H2AZ2: variants seen among roughly 807,000 people sequenced by gnomAD.
H2AZ2 encodes H2A.Z variant histone 2.
A neutral mutation model predicts 15.5 loss-of-function variants in H2AZ2; 5 were observed. The ratio of observed to expected loss-of-function variants is 0.32; its 90% CI spans 0.17 to 0.68. The LOEUF (loss-of-function observed/expected upper bound fraction) is 0.68. Ranked by LOEUF, H2AZ2 falls within the 30% of genes least tolerant of loss-of-function variation. The pLI, the probability that H2AZ2 is intolerant of heterozygous loss-of-function variation, is 0.72. For missense variants in H2AZ2, 42 were observed against 162.5 expected (o/e 0.26, Z 4.03); for synonymous variants, 44 against 57.4 (o/e 0.77, Z 1.05).
intron 2 of H2AZ2, among the ~76,000 whole-genome samples, chr7:44,842,441 A>C (rs80168996): frequency 0.025 from 3,752 of 152,282 alleles, 77 homozygotes; most frequent in Non-Finnish European, 0.039. Context: ...CTTCAAAATG[A>C]TTCCATTTAA....
At position 44,836,662 on chromosome 7, in the gene H2AZ2, C is replaced by T. The variant is rs1156328023; in HGVS notation, c.196-1004G>A. Among the ~76,000 whole-genome samples, 9 of 151,944 alleles carry T rather than the reference C, an allele frequency of 5.9e-5. 1 individual carries two copies. In the South Asian group the frequency reaches 1.7e-3, roughly 28 times the overall value. On this transcript the variant is annotated intron_variant, in intron 3 of 4. Coordinates refer to ENST00000308153, the MANE Select transcript of H2AZ2 (RefSeq NM_012412.5). The stretch of plus-strand genomic sequence containing the variant: ...CCTCCCGAGTAGCTGGGACTACAGG[C>T]GCCTGCCACCATGCCTGAGTAAGTT...
downstream of H2AZ2, among the ~76,000 whole-genome samples, chr7:44,831,976 A>G (rs896006287): frequency 6.6e-6 from 1 of 152,186 alleles, no homozygotes; most frequent in African/African-American, 2.4e-5. Context: ...GAACAACAGA[A>G]GCCCTCTAGA....
rs751317779 is a variant in H2AZ2 at position 44,846,613 on chromosome 7, AAAAAAACCAC to A, written c.3+1346_3+1355del. 1.9e-3 allele frequency among the ~76,000 whole-genome samples: 288 copies of A among 150,932 alleles called. 2 individuals are homozygous for A. Among genetic ancestry groups the A allele is most frequent in the African/African-American group, 6.7e-3 (276 of 41,300 alleles). ...AACAGAGTGAGACTCCGTCTCAAAA[AAAAAAACCAC>A]AAAAAACCACAAAAAACAAACAACA... On this transcript the variant is annotated intron_variant, in intron 1 of 4. Transcript: ENST00000308153.
At chr7:44,835,349 G>A (rs1436837550) in intron 4 of H2AZ2, 180 bp downstream of exon 4, 2 of 473,812 alleles carry the variant, frequency 4.2e-6, no homozygotes. Flanking sequence ...CATATGGCTA[G>A]AAGGTGAAAT....
intron 1 of H2AZ2, among the ~76,000 whole-genome samples, chr7:44,844,174 G>A (rs1232997563): frequency 2.0e-5 from 3 of 152,138 alleles, no homozygotes; most frequent in African/African-American, 4.8e-5. Flanking sequence ...GTTCACAGAA[G>A]CATTATTCAG....
In H2AZ2 at chr7:44,837,430, AAAG is replaced by A. The variant is rs1175128005; in HGVS notation, c.196-1775_196-1773del. On this transcript the variant is annotated intron_variant, in intron 3 of 4. Coordinates refer to ENST00000308153, the MANE Select transcript of H2AZ2 (RefSeq NM_012412.5). Reference sequence around the variant, plus strand: ...AGAGCAAGACTCTCAAAAAAAAAAAAAAGAAAAAAAAAAAAAAAAAAAAAGTTG... The same window carrying A: ...AGAGCAAGACTCTCAAAAAAAAAAAAAAAAAAAAAAAAAAAAAAAAAGTTG... Among the ~76,000 whole-genome samples, 280 of 119,028 alleles carry A rather than the reference AAAG, an allele frequency of 2.4e-3. 4 individuals are homozygous for A. The highest frequency in any genetic ancestry group is 4.1e-3 in the Non-Finnish European group (225 of 54,436). The allele number at this position is 119,028 out of a possible 152,430, so 78.1% of individuals were successfully genotyped here. A position where few individuals can be genotyped will look rare whatever the true frequency, so the allele number is the denominator to read the frequency against.
chr7:44,833,610 C>G lies in H2AZ2; in HGVS notation c.*891G>C. On this transcript the variant is annotated 3_prime_UTR_variant, in exon 5 of 5. Coordinates refer to ENST00000308153, the MANE Select transcript of H2AZ2 (RefSeq NM_012412.5). ...AAGTGTTCCACCAGCCTCGGTCTCC[C>G]GAAGTGTTGGGATTACAGGCGTAAA... The G allele has an allele frequency of 1.2e-6, 1 of 826,302 alleles. No homozygotes were observed. Among genetic ancestry groups the G allele is most frequent in the Non-Finnish European group, 1.5e-6 (1 of 684,616 alleles). 51.2% of individuals were successfully genotyped at this position (826,302 alleles called of 1,614,324 possible). A position where few individuals can be genotyped will look rare whatever the true frequency, so the allele number is the denominator to read the frequency against.
rs745980316 is a variant in H2AZ2 at position 44,843,371 on chromosome 7, A to AT, written c.4-18dup. The AT allele has an allele frequency of 3.8e-6, 6 of 1,565,190 alleles. No homozygotes were observed. Among genetic ancestry groups the AT allele is most frequent in the Non-Finnish European group, 5.2e-6 (6 of 1,144,580 alleles). ...GCCTCCAGCCTAAATGCAAAAAAAA[A>AT]TTTTTTTGAATGAAAAGAGTTGAAA... is the stretch of plus-strand genomic sequence containing the variant. On this transcript the variant is annotated splice_polypyrimidine_tract_variant and intron_variant, in intron 1 of 4. Coordinates refer to ENST00000308153, the MANE Select transcript of H2AZ2 (RefSeq NM_012412.5).
At chr7:44,837,853 T>G (rs1793168489) in intron 3 of H2AZ2, among the ~76,000 whole-genome samples, 1 of 148,762 alleles carries the variant, frequency 6.7e-6, no homozygotes. Flanking sequence ...CTTAGATAGA[T>G]GGGGCTTGAA....
chr7:44,837,121 A>G (rs1793143754), intron 3 of H2AZ2, among the ~76,000 whole-genome samples: 1 of 152,090 alleles, frequency 6.6e-6, no homozygotes. Context: ...AAATAAAAAA[A>G]TCAAACTCCT....
chr7:44,846,062 C>CACACACAGAG (rs57468916), intron 1 of H2AZ2, among the ~76,000 whole-genome samples: 4 of 75,060 alleles, frequency 5.3e-5, no homozygotes, highest in Non-Finnish European at 1.3e-4. Context: ...CACACACACA[C>CACACACAGAG]AGAGAGAGAC....
chr7:44,831,935 C>T (rs1793005864), downstream of H2AZ2, among the ~76,000 whole-genome samples: 1 of 152,092 alleles, frequency 6.6e-6, no homozygotes, highest in African/African-American at 2.4e-5. Context: ...CATATATCAC[C>T]TATGAATTAT....
At position 44,840,989 on chromosome 7, in the gene H2AZ2, T is replaced by C; in HGVS notation, c.105A>G (p.Arg35=). 2 of 1,614,024 alleles carry C rather than the reference T, an allele frequency of 1.2e-6. No individual in the cohort carries two copies. Among genetic ancestry groups the C allele is most frequent in the South Asian group, 1.1e-5 (1 of 91,064 alleles). The change falls in exon 3 of 5, where the codon AGA becomes AGG. Residue 35 remains arginine (R), a synonymous_variant. Transcript: ENST00000308153. ...GLQFPVGRIH[R]HLKTRTTSHG... ...GGCTTGTGGTGCGAGTCTTCAAGTG[T>C]CTGTGGATGCGGCCCACAGGAAACT...
chr7:44,842,111 G>T (rs962099013), intron 2 of H2AZ2, among the ~76,000 whole-genome samples: 3 of 152,160 alleles, frequency 2.0e-5, no homozygotes, highest in African/African-American at 7.2e-5. Flanking sequence ...TTAAGGGCAA[G>T]ATTTATGTCT....
intron 1 of H2AZ2, among the ~76,000 whole-genome samples, chr7:44,844,087 ATAGTC>A (rs1316074853): frequency 5.9e-5 from 9 of 151,820 alleles, no homozygotes; most frequent in Non-Finnish European, 1.3e-4. Flanking sequence ...GAATTGTCAT[ATAGTC>A]TAGCAATTCC....
At position 44,833,109 on chromosome 7, in the gene H2AZ2, G is replaced by A. The variant is rs183222402; in HGVS notation, c.*1392C>T. 1.8e-3 allele frequency among the ~76,000 whole-genome samples: 271 copies of A among 152,040 alleles called. 3 individuals carry two copies. Among genetic ancestry groups the A allele is most frequent in the African/African-American group, 6.3e-3 (262 of 41,480 alleles). On this transcript the variant is annotated 3_prime_UTR_variant, in exon 5 of 5. Transcript: ENST00000308153. Reference sequence around the variant, plus strand: ...GTCACCTAGGCTGGAGTGTAGTGGCGTGATCTTGGCTCACTGCAACCTCTG... The same window carrying A: ...GTCACCTAGGCTGGAGTGTAGTGGCATGATCTTGGCTCACTGCAACCTCTG...
chr7:44,836,168 G>A (rs1793118733), intron 3 of H2AZ2, among the ~76,000 whole-genome samples: 1 of 151,800 alleles, frequency 6.6e-6, no homozygotes, highest in African/African-American at 2.4e-5. Flanking sequence ...TCCCCACGTT[G>A]CCCAGGCTGG....
intron 2 of H2AZ2, among the ~76,000 whole-genome samples, chr7:44,842,418 A>G (rs1793295216): frequency 6.6e-6 from 1 of 152,202 alleles, no homozygotes; most frequent in African/African-American, 2.4e-5. Context: ...TTTCACATGG[A>G]TGTTTTAGTG....
chr7:44,837,965 A>C (rs1008919312), intron 3 of H2AZ2, among the ~76,000 whole-genome samples: 2 of 151,416 alleles, frequency 1.3e-5, no homozygotes, highest in Non-Finnish European at 2.9e-5. Flanking sequence ...TTAATAGCTG[A>C]AATTTCTTTT....
Sources: gnomAD v4.1 joint callset for allele counts (sites outside exome capture counted in the v4.1 genomes callset) on GRCh38, gnomAD v4.1.1 for gene constraint, MANE v1.5 for transcripts, NCBI Gene and HGNC (gene_info 2026-07-23, HGNC 2026-07-21) for gene names.